The following ERBB4 variants were observed in gnomAD, a reference collection of about 807,000 sequenced individuals.
ERBB4 encodes receptor tyrosine-protein kinase erbB-4.
A neutral mutation model predicts 158.0 loss-of-function variants in ERBB4; 42 were observed. The ratio of observed to expected loss-of-function variants is 0.27; its 90% CI spans 0.21 to 0.34. ERBB4 has a LOEUF of 0.34. Among genes scored for constraint, ERBB4 ranks in the 10% least tolerant of loss-of-function variants. The pLI is 1.00. For missense variants in ERBB4, 1,333 were observed against 1,624.1 expected (o/e 0.82, Z 3.08); for synonymous variants, 583 against 558.7 (o/e 1.04, Z -0.61).
intron 1 of ERBB4, among the ~76,000 whole-genome samples, chr2:212,368,127 A>G (rs1354365603): frequency 1.3e-5 from 2 of 152,134 alleles, no homozygotes; most frequent in Admixed American, 6.6e-5. Flanking sequence ...ATACTTGCAC[A>G]CACGTTTACA....
intron 3 of ERBB4, among the ~76,000 whole-genome samples, chr2:211,817,766 C>T (rs1288641761): frequency 6.6e-6 from 1 of 152,128 alleles, no homozygotes; most frequent in Non-Finnish European, 1.5e-5. Context: ...GAGATGAGCC[C>T]TTATCTTTCC....
At chr2:211,986,294 C>T (rs1477155852) in intron 2 of ERBB4, among the ~76,000 whole-genome samples, 1 of 152,162 alleles carries the variant, frequency 6.6e-6, no homozygotes, top group Non-Finnish European at 1.5e-5. Context: ...CGATTTGTGG[C>T]ACTTTGTGAA....
At chr2:211,976,633 C>T (rs1468208264) in intron 2 of ERBB4, among the ~76,000 whole-genome samples, 1 of 151,926 alleles carries the variant, frequency 6.6e-6, no homozygotes, top group East Asian at 1.9e-4. Context: ...TCATGCCCTG[C>T]TATTTGCTCT....
intron 3 of ERBB4, among the ~76,000 whole-genome samples, chr2:211,937,574 T>TG (rs2080361353): frequency 6.6e-6 from 1 of 152,122 alleles, no homozygotes; most frequent in Non-Finnish European, 1.5e-5. Context: ...TCAGCATGGC[T>TG]GGGGAGGCCT....
At chr2:211,395,587 C>G (rs1333153678) in intron 25 of ERBB4, among the ~76,000 whole-genome samples, 1 of 144,708 alleles carries the variant, frequency 6.9e-6, no homozygotes, top group African/African-American at 2.6e-5. Context: ...TTAATATACG[C>G]AAAGTAAATT....
intron 5 of ERBB4, among the ~76,000 whole-genome samples, chr2:211,738,017 A>G (rs1337620645): frequency 4.6e-5 from 7 of 151,648 alleles, no homozygotes; most frequent in African/African-American, 7.2e-5. Flanking sequence ...CGTTTCATGC[A>G]TATGATAATC....
intron 1 of ERBB4, among the ~76,000 whole-genome samples, chr2:212,208,590 A>C (rs2082837267): frequency 6.6e-6 from 1 of 152,178 alleles, no homozygotes; most frequent in Non-Finnish European, 1.5e-5. Context: ...GAAATGCAAC[A>C]TAATAATGAT....
intron 2 of ERBB4, among the ~76,000 whole-genome samples, chr2:212,047,928 G>C (rs1173908726): frequency 1.3e-5 from 2 of 152,112 alleles, no homozygotes; most frequent in Non-Finnish European, 2.9e-5. Flanking sequence ...ATTGTGATAG[G>C]TTCTATACAA....
At chr2:212,005,964 G>A (rs2076249611) in intron 2 of ERBB4, among the ~76,000 whole-genome samples, 1 of 151,012 alleles carries the variant, frequency 6.6e-6, no homozygotes, top group Admixed American at 6.7e-5. Context: ...CTACATATTA[G>A]GATTGCAAAA....
intron 19 of ERBB4, among the ~76,000 whole-genome samples, chr2:211,597,326 T>C (rs962506933): frequency 6.6e-6 from 1 of 152,324 alleles, no homozygotes; most frequent in African/African-American, 2.4e-5. Flanking sequence ...ATCACTGAAC[T>C]TAACCAGACC....
intron 2 of ERBB4, among the ~76,000 whole-genome samples, chr2:212,026,017 G>A (rs1026781827): frequency 5.9e-4 from 89 of 151,448 alleles, no homozygotes; most frequent in African/African-American, 1.9e-3. Flanking sequence ...TCTCAATGAG[G>A]ACAAAAATAA....
chr2:211,991,541 G>C (rs901074814), intron 2 of ERBB4, among the ~76,000 whole-genome samples: 6 of 152,024 alleles, frequency 3.9e-5, no homozygotes, highest in Admixed American at 6.6e-5. Flanking sequence ...TGTTTTTCTG[G>C]AATAAAGAGT....
rs955345696 is a variant in ERBB4 at position 211,728,953 on chromosome 2, C to T, written c.623-3759G>A. On this transcript the variant is annotated intron_variant, in intron 5 of 27. Transcript: ENST00000342788. ...TTTAAAATTATGTATTAAGTGTTCA[C>T]GTTAAAATCATTTCTCTCATTGAGT... Among the ~76,000 whole-genome samples the T allele has an allele frequency of 7.3e-5, 11 of 151,642 alleles. No individual in the cohort carries two copies. In the East Asian group the frequency reaches 7.7e-4, roughly 11 times the overall value.
intron 2 of ERBB4, among the ~76,000 whole-genome samples, chr2:212,003,626 T>C (rs1213564351): frequency 2.6e-5 from 4 of 152,172 alleles, no homozygotes; most frequent in Admixed American, 6.5e-5. Flanking sequence ...ATGAAAAATA[T>C]TCTAAGAAAT....
intron 2 of ERBB4, among the ~76,000 whole-genome samples, chr2:211,964,412 G>C (rs1309408031): frequency 6.6e-6 from 1 of 152,034 alleles, no homozygotes; most frequent in East Asian, 1.9e-4. Flanking sequence ...TGTTTTTTCG[G>C]AATTACGTTA....
intron 3 of ERBB4, among the ~76,000 whole-genome samples, chr2:211,889,713 C>G (rs553216466): frequency 0.12 from 16,691 of 141,392 alleles, 1,272 homozygotes; most frequent in African/African-American, 0.21. Flanking sequence ...GTGCTTAAAG[C>G]AGCTGATGGA....
At chr2:212,017,544 A>T (rs1421676025) in intron 2 of ERBB4, among the ~76,000 whole-genome samples, 1 of 152,180 alleles carries the variant, frequency 6.6e-6, no homozygotes, top group Non-Finnish European at 1.5e-5. Flanking sequence ...CTCAGTTGTG[A>T]ATGCAAAGGC....
At chr2:212,021,498 T>A (rs950443566) in intron 2 of ERBB4, among the ~76,000 whole-genome samples, 9 of 152,164 alleles carry the variant, frequency 5.9e-5, no homozygotes, top group Admixed American at 3.9e-4. Context: ...CAAATGGTGC[T>A]GGGAGAACTG....
chr2:212,347,359 A>AT (rs1316979726), intron 1 of ERBB4, among the ~76,000 whole-genome samples: 10 of 152,090 alleles, frequency 6.6e-5, no homozygotes, highest in Non-Finnish European at 1.5e-4. Flanking sequence ...TACAACTTTG[A>AT]TAAGTGATTT....
Sources: gnomAD v4.1 joint callset for allele counts (sites outside exome capture counted in the v4.1 genomes callset) on GRCh38, gnomAD v4.1.1 for gene constraint, MANE v1.5 for transcripts, NCBI Gene and HGNC (gene_info 2026-07-23, HGNC 2026-07-21) for gene names.